PSG5: variants seen among roughly 807,000 people sequenced by gnomAD.
PSG5 encodes pregnancy specific beta-1-glycoprotein 5.
A neutral mutation model predicts 37.7 loss-of-function variants in PSG5; 53 were observed. That is an observed-to-expected ratio of 1.41 (90% CI 1.13 to 1.77). The LOEUF (loss-of-function observed/expected upper bound fraction) is 1.77. Among genes scored for constraint, PSG5 ranks in the 40% most tolerant of loss-of-function variants. The pLI is 0.00. For missense variants in PSG5, 547 were observed against 405.2 expected, an observed-to-expected ratio of 1.35 and a Z score of -3.00; for synonymous variants, 221 against 155.4, an observed-to-expected ratio of 1.42 and a Z score of -3.14.
chr19:43,185,251 G>GAC (rs34808647), intron 1 of PSG5, 104 bp from the exon 2 acceptor site: 178 of 1,351,440 alleles, frequency 1.3e-4, no homozygotes, highest in South Asian at 1.2e-3. Flanking sequence ...CAGCCTTGAA[G>GAC]ACACACACAC....
rs1237565252 is a variant in PSG5 at position 43,184,668 on chromosome 19, T to G, written c.430+114A>C. ...TGCACTAAATGCCCAAACCGCAGCA[T>G]GGGACATAATGCAGAGAGGGACACA... On this transcript the variant is annotated intron_variant, in intron 2 of 5. Coordinates refer to ENST00000342951, the MANE Select transcript of PSG5 (RefSeq NM_002781.4). 6 of 1,561,850 alleles carry G rather than the reference T, an allele frequency of 3.8e-6. No homozygotes were observed. In the East Asian group the frequency reaches 6.7e-5, roughly 18 times the overall value.
At position 43,176,224 on chromosome 19, in the gene PSG5, G is replaced by C; in HGVS notation, c.431-76C>G. On this transcript the variant is annotated intron_variant, in intron 2 of 5. Transcript: ENST00000342951. The stretch of plus-strand genomic sequence containing the variant: ...CCACAGGCATCCTTCAATCAGAGTT[G>C]GCATCTCCCACCTGTCAACCCACCA... The C allele has an allele frequency of 1.9e-6, 3 of 1,573,428 alleles. No individual in the cohort carries two copies. In the South Asian group the frequency reaches 3.5e-5, roughly 19 times the overall value.
In PSG5 at chr19:43,170,106, T is replaced by A. The variant is rs1423529742; in HGVS notation, c.997A>T (p.Asn333Tyr). ...PSGIGRLPLLNPI is the reference protein window; with the variant it reads ...PSGIGRLPLLYPI Reference sequence around the variant, plus strand: ...TGACTTCACGGCTGCTATATTGGATTAAGGAGAGGAAGACGTCCTATTCCT... The same window carrying A: ...TGACTTCACGGCTGCTATATTGGATAAAGGAGAGGAAGACGTCCTATTCCT... The change falls in exon 5 of 6, where the codon AAT becomes TAT. Residue 333 changes from asparagine (N) to tyrosine (Y), a missense_variant. Transcript: ENST00000342951. 3 of 1,587,836 alleles carry A rather than the reference T, an allele frequency of 1.9e-6. No homozygotes were observed. The highest frequency in any genetic ancestry group is 2.7e-5 in the African/African-American group (2 of 73,800).
Position 43,178,189 on chromosome 19 carries a change from G to C in PSG5, c.431-2041C>G, listed in dbSNP as rs770083728. Among the ~76,000 whole-genome samples, 123 of 151,696 alleles carry C rather than the reference G, an allele frequency of 8.1e-4. 5 individuals are homozygous for C. The highest frequency in any genetic ancestry group is 1.4e-3 in the Non-Finnish European group (96 of 67,900). Reference sequence around the variant, plus strand: ...CCCTGATAGCTAGATAGACTTCACTGGAAAACATATTGCCAATGCTCCAGG... The same window carrying C: ...CCCTGATAGCTAGATAGACTTCACTCGAAAACATATTGCCAATGCTCCAGG... On this transcript the variant is annotated intron_variant, in intron 2 of 5. Coordinates refer to ENST00000342951, the MANE Select transcript of PSG5 (RefSeq NM_002781.4).
chr19:43,168,807 C>T (rs1323783773), intron 5 of PSG5, among the ~76,000 whole-genome samples: 3 of 151,482 alleles, frequency 2.0e-5, no homozygotes, highest in African/African-American at 7.3e-5. Context: ...GCTTCTGTTT[C>T]TCAAGAGGAT....
At chr19:43,175,792 A>G in intron 3 of PSG5, 78 bp downstream of exon 3, 1 of 1,589,336 alleles carries the variant, frequency 6.3e-7, no homozygotes, top group Non-Finnish European at 8.6e-7. Flanking sequence ...TGGACCGGAG[A>G]AAGACTGAGA....
chr19:43,182,720 T>TTTTTG (rs1969155568), intron 2 of PSG5, among the ~76,000 whole-genome samples: 1 of 130,992 alleles, frequency 7.6e-6, no homozygotes, highest in Non-Finnish European at 1.6e-5. Context: ...TTTTTTTTTT[T>TTTTTG]TTTGTGCAGG....
rs1221981608 is a variant in PSG5, at chr19:43,186,261, A to G, written c.64+81T>C. Reference sequence around the variant, plus strand: ...AAAGTGCTGGCTTCTTTTATTTTTTAGAACCCCATCCTCTCCAGGAGACCC... The same window carrying G: ...AAAGTGCTGGCTTCTTTTATTTTTTGGAACCCCATCCTCTCCAGGAGACCC... On this transcript the variant is annotated intron_variant, in intron 1 of 5. Coordinates refer to ENST00000342951, the MANE Select transcript of PSG5 (RefSeq NM_002781.4). 2.4e-5 allele frequency: 39 copies of G among 1,596,808 alleles called. 1 individual carries two copies. Among genetic ancestry groups the G allele is most frequent in the Non-Finnish European group, 3.3e-5 (39 of 1,170,168 alleles).
chr19:43,178,033 T>A (rs888508398), intron 2 of PSG5, among the ~76,000 whole-genome samples: 1 of 151,738 alleles, frequency 6.6e-6, no homozygotes, highest in Middle Eastern at 3.4e-3. Context: ...TCATTGTTAG[T>A]GTATAGCCTA....
At position 43,176,018 on chromosome 19, in the gene PSG5, G is replaced by T. The variant is rs372085147; in HGVS notation, c.561C>A (p.Leu187=). Residue 187 remains leucine, a synonymous_variant, in exon 3 of 6, where the codon CTC becomes CTA. Coordinates refer to ENST00000342951, the MANE Select transcript of PSG5 (RefSeq NM_002781.4). ...GTCGCTTTACCCTGGGACTGACCGGGAGGCTCTGACCATTTAGCCACCAAA... is the reference window on the plus strand; with the variant it reads ...GTCGCTTTACCCTGGGACTGACCGGTAGGCTCTGACCATTTAGCCACCAAA... ...TYIWWLNGQS[L]PVSPRVKRPI... 2 of 1,611,046 alleles carry T rather than the reference G, an allele frequency of 1.2e-6. No individual in the cohort carries two copies. The highest frequency in any genetic ancestry group is 1.7e-6 in the Non-Finnish European group (2 of 1,179,202).
Position 43,185,135 on chromosome 19 carries a change from T to C in PSG5, c.77A>G (p.Asn26Ser). 2 of 1,604,966 alleles carry C rather than the reference T, an allele frequency of 1.2e-6. No individual in the cohort carries two copies. Among genetic ancestry groups the C allele is most frequent in the South Asian group, 2.2e-5 (2 of 89,880 alleles). Residue 26 changes from asparagine (N) to serine (S), a missense_variant, in exon 2 of 6, where the codon AAC becomes AGC. Coordinates refer to ENST00000342951, the MANE Select transcript of PSG5 (RefSeq NM_002781.4). ...KGLLLTASLL[N>S]FWNLPITAQV... ...AGCAGTGATAGGCAGGTTCCAGAAG[T>C]TTAAAAGTGATGCTAGGAGGTGGAG...
At chr19:43,185,956 C>CT (rs900394719) in intron 1 of PSG5, among the ~76,000 whole-genome samples, 4 of 150,386 alleles carry the variant, frequency 2.7e-5, no homozygotes, top group African/African-American at 7.4e-5. Flanking sequence ...GACTTCTTTC[C>CT]TTTTTTTTCT....
At chr19:43,171,994 A>G (rs1402220120) in intron 4 of PSG5, among the ~76,000 whole-genome samples, 1 of 150,454 alleles carries the variant, frequency 6.6e-6, no homozygotes, top group Non-Finnish European at 1.5e-5. Flanking sequence ...AAAAAAAAAA[A>G]AAAAGAAAAA....
At chr19:43,184,670 G>T in intron 2 of PSG5, 112 bp downstream of exon 2, 1 of 1,561,884 alleles carries the variant, frequency 6.4e-7, no homozygotes, top group African/African-American at 1.4e-5. Context: ...CCGCAGCATG[G>T]GACATAATGC....
At position 43,171,771 on chromosome 19, in the gene PSG5, C is replaced by A. The variant is rs1372993258; in HGVS notation, c.965-1633G>T. Reference sequence around the variant, plus strand: ...ATTTCTTGAGACCAGGTGTTTGGACCAGCATGGGTAACCTGGGGAGATGCT... The same window carrying A: ...ATTTCTTGAGACCAGGTGTTTGGACAAGCATGGGTAACCTGGGGAGATGCT... On this transcript the variant is annotated intron_variant, in intron 4 of 5. Coordinates refer to ENST00000342951, the MANE Select transcript of PSG5 (RefSeq NM_002781.4). Among the ~76,000 whole-genome samples, 41 of 151,174 alleles carry A rather than the reference C, an allele frequency of 2.7e-4. 2 individuals are homozygous for A. The highest frequency in any genetic ancestry group is 9.8e-4 in the African/African-American group (40 of 40,972).
At chr19:43,175,597 T>C in intron 3 of PSG5, 128 bp from the exon 4 acceptor site, 2 of 1,454,434 alleles carry the variant, frequency 1.4e-6, no homozygotes, top group Admixed American at 2.3e-5. Context: ...ACCCCCACTA[T>C]ATTCACTGAG....
chr19:43,182,389 G>A (rs994273204), intron 2 of PSG5, among the ~76,000 whole-genome samples: 3 of 145,938 alleles, frequency 2.1e-5, no homozygotes, highest in Admixed American at 6.8e-5. Flanking sequence ...CTTTTGAGAT[G>A]TTTCTCATTC....
chr19:43,170,603 C>T, intron 4 of PSG5: 2 of 302,004 alleles, frequency 6.6e-6, no homozygotes, highest in South Asian at 7.7e-5. Flanking sequence ...TTCCCACAGG[C>T]TCCCAGGAAG....
Position 43,167,956 on chromosome 19 carries a change from CATT to C in PSG5, c.*285_*287del. ...ATTTTCAAATAGAAAATTATGAAAA[CATT>C]ATGCTTTTGATTATTTAGTCCAATA... On this transcript the variant is annotated 3_prime_UTR_variant, in exon 6 of 6. Coordinates refer to ENST00000342951, the MANE Select transcript of PSG5 (RefSeq NM_002781.4). 2.5e-6 allele frequency: 1 copy of C among 397,050 alleles called. No individual in the cohort carries two copies. Among genetic ancestry groups the C allele is most frequent in the Admixed American group, 4.5e-5 (1 of 22,208 alleles). The allele number at this position is 397,050 out of a possible 1,614,324, so 24.6% of individuals were successfully genotyped here. A position where few individuals can be genotyped will look rare whatever the true frequency, so the allele number is the denominator to read the frequency against.
Sources: allele counts gnomAD v4.1 joint callset (sites outside exome capture counted in the v4.1 genomes callset), GRCh38; gene constraint gnomAD v4.1.1; transcripts MANE v1.5; gene names NCBI Gene and HGNC (gene_info 2026-07-23, HGNC 2026-07-21).